PAPPA: variants seen among roughly 807,000 people sequenced by gnomAD.
The protein encoded by PAPPA is pappalysin-1.
In PAPPA, 60 loss-of-function variants were observed where a neutral mutation model predicts 164.0. The ratio of observed to expected loss-of-function variants is 0.37; its 90% CI spans 0.30 to 0.45. The LOEUF (loss-of-function observed/expected upper bound fraction) is 0.45, where lower values mean the gene tolerates loss of function less well. PAPPA is among the 20% of genes least tolerant of loss of function. The pLI, the probability that PAPPA is intolerant of heterozygous loss-of-function variation, is 1.00. For missense variants in PAPPA, 1,782 were observed against 2,087.3 expected (o/e 0.85, Z 2.85); for synonymous variants, 875 against 814.1 (o/e 1.07, Z -1.27).
In PAPPA at chr9:116,347,082, C is replaced by T. The variant is rs761085129; in HGVS notation, c.3837C>T (p.Ala1279=). The change falls in exon 15 of 22, where the codon GCC becomes GCT. Residue 1279 remains alanine (A), a synonymous_variant. Coordinates refer to ENST00000328252, the MANE Select transcript of PAPPA (RefSeq NM_002581.5). This position sits in a 1 kb window ranked among gnomAD's most constrained non-coding sequence, Gnocchi z 4.5. ...AGGGCAAGTGGAATAAGCAGGTGGC[C>T]TGTGAGCCAGTCGACTGCAGCATCC... is the stretch of plus-strand genomic sequence containing the variant. ...CTEGKWNKQV[A]CEPVDCSIPD... is the part of the protein sequence containing the mutation. 1.9e-6 allele frequency: 3 copies of T among 1,614,184 alleles called. No homozygotes were observed. Among genetic ancestry groups the T allele is most frequent in the African/African-American group, 2.7e-5 (2 of 75,062 alleles).
intron 1 of PAPPA, among the ~76,000 whole-genome samples, chr9:116,156,316 GTGTGTATATATATA>G (rs1323220215): frequency 2.2e-5 from 2 of 92,060 alleles, no homozygotes; most frequent in African/African-American, 3.3e-5. Flanking sequence ...GTATATATAT[GTGTGTATATATATA>G]TGTGTATATA....
chr9:116,334,426 T>C (rs1181430665), intron 12 of PAPPA, among the ~76,000 whole-genome samples: 2 of 152,100 alleles, frequency 1.3e-5, no homozygotes, highest in East Asian at 1.9e-4. Flanking sequence ...AGATTACTTA[T>C]GAGAGTGGGC....
chr9:116,365,558 T>TG, intron 18 of PAPPA, among the ~76,000 whole-genome samples: 2 of 129,322 alleles, frequency 1.5e-5, no homozygotes, highest in Non-Finnish European at 3.5e-5. Flanking sequence ...ACCGTTTTTT[T>TG]TTTTTTTTCC....
At chr9:116,283,835 A>G (rs1845297341) in intron 9 of PAPPA, among the ~76,000 whole-genome samples, 1 of 152,070 alleles carries the variant, frequency 6.6e-6, no homozygotes, top group Non-Finnish European at 1.5e-5. Flanking sequence ...TCCCTTTTCC[A>G]TTTGTCCCGT....
intron 1 of PAPPA, among the ~76,000 whole-genome samples, chr9:116,180,176 T>C (rs1221083972): frequency 1.3e-5 from 2 of 152,020 alleles, no homozygotes; most frequent in Non-Finnish European, 2.9e-5. Flanking sequence ...GACCATGTGG[T>C]CTAACACTCT....
Position 116,197,381 on chromosome 9 carries a change from T to C in PAPPA, c.1478+9165T>C, listed in dbSNP as rs572947030. 3.9e-5 allele frequency among the ~76,000 whole-genome samples: 6 copies of C among 152,220 alleles called. No homozygotes were observed. In the South Asian group the frequency reaches 1.2e-3, roughly 32 times the overall value. ...AACTACTTGAGTACAAAGTGTTCAG[T>C]GTGGTAATGAGGAGCAATTATGCTC... On this transcript the variant is annotated intron_variant, in intron 2 of 21. Transcript: ENST00000328252.
chr9:116,252,726 A>G (rs1356858054), intron 7 of PAPPA, among the ~76,000 whole-genome samples: 2 of 152,208 alleles, frequency 1.3e-5, no homozygotes, highest in Non-Finnish European at 2.9e-5. Context: ...TTCAAGCCCC[A>G]ACATCTCACC....
At chr9:116,217,644 C>T (rs931872432) in intron 4 of PAPPA, among the ~76,000 whole-genome samples, 12 of 129,850 alleles carry the variant, frequency 9.2e-5, no homozygotes, top group Non-Finnish European at 1.7e-4. Context: ...CATGAGCACA[C>T]GCAAGCATAC....
At chr9:116,161,718 A>G (rs553508679) in intron 1 of PAPPA, among the ~76,000 whole-genome samples, 2 of 152,160 alleles carry the variant, frequency 1.3e-5, no homozygotes, top group African/African-American at 4.8e-5. Context: ...AGAAAAAAAA[A>G]AAAAAAGGTT....
In PAPPA at chr9:116,154,085, G is replaced by A. The variant is rs1390604891; in HGVS notation, c.-88G>A. 2.6e-6 allele frequency: 3 copies of A among 1,140,022 alleles called. No individual in the cohort carries two copies. The African/African-American group carries it at 5.2e-5, about 20-fold the overall frequency. The allele number at this position is 1,140,022 out of a possible 1,614,324, so 70.6% of individuals were successfully genotyped here. A position where few individuals can be genotyped will look rare whatever the true frequency, so the allele number is the denominator to read the frequency against. On this transcript the variant is annotated 5_prime_UTR_variant, in exon 1 of 22. Transcript: ENST00000328252. This position sits in a 1 kb window ranked among gnomAD's most constrained non-coding sequence, Gnocchi z 5.2. Reference sequence around the variant, plus strand: ...GCTCGCCCAAGAAGGGTGAAGAAGCGAAGAAAGTCGAGGCGCCGAGGCTCC... The same window carrying A: ...GCTCGCCCAAGAAGGGTGAAGAAGCAAAGAAAGTCGAGGCGCCGAGGCTCC...
intron 7 of PAPPA, among the ~76,000 whole-genome samples, chr9:116,243,486 A>G (rs1844759753): frequency 6.6e-6 from 1 of 152,170 alleles, no homozygotes; most frequent in African/African-American, 2.4e-5. Context: ...TCAGACTATA[A>G]GAGATAAGGT....
chr9:116,191,314 C>T (rs1294983125), intron 2 of PAPPA, among the ~76,000 whole-genome samples: 1 of 152,206 alleles, frequency 6.6e-6, no homozygotes, highest in Non-Finnish European at 1.5e-5. Flanking sequence ...GCATGCAAGT[C>T]AGTACTGATA....
intron 4 of PAPPA, among the ~76,000 whole-genome samples, chr9:116,217,971 A>C (rs1844396354): frequency 6.6e-6 from 1 of 152,172 alleles, no homozygotes. Context: ...TGAAGTACAA[A>C]GTTCATGGCA....
intron 6 of PAPPA, among the ~76,000 whole-genome samples, chr9:116,231,239 A>G (rs1475598562): frequency 6.6e-6 from 1 of 152,176 alleles, no homozygotes; most frequent in Non-Finnish European, 1.5e-5. Context: ...CTGTATATAC[A>G]AAAGGATATC....
chr9:116,252,789 G>A (rs1027605954), intron 7 of PAPPA, among the ~76,000 whole-genome samples: 5 of 152,222 alleles, frequency 3.3e-5, no homozygotes, highest in Admixed American at 6.5e-5. Context: ...TTAGCGAAAC[G>A]TTTCCACTTC....
chr9:116,275,447 G>A (rs1276914037), intron 9 of PAPPA, among the ~76,000 whole-genome samples: 1 of 152,094 alleles, frequency 6.6e-6, no homozygotes, highest in Non-Finnish European at 1.5e-5. Flanking sequence ...CCGTATGTGA[G>A]ATCTGAGGTC....
intron 1 of PAPPA, among the ~76,000 whole-genome samples, chr9:116,170,000 A>G (rs1425133053): frequency 6.6e-6 from 1 of 152,168 alleles, no homozygotes; most frequent in African/African-American, 2.4e-5. Context: ...CTCCTATTTT[A>G]GATCAACGAG....
chr9:116,355,387 C>T (rs1249897505), intron 17 of PAPPA, among the ~76,000 whole-genome samples: 2 of 152,242 alleles, frequency 1.3e-5, no homozygotes, highest in Non-Finnish European at 2.9e-5. Flanking sequence ...GGCTGAGTCA[C>T]AGTCAGAATC....
intron 8 of PAPPA, among the ~76,000 whole-genome samples, chr9:116,269,079 G>A (rs1313552926): frequency 6.6e-6 from 1 of 152,136 alleles, no homozygotes; most frequent in African/African-American, 2.4e-5. Flanking sequence ...GGCAATGGAT[G>A]AACGTTTTGA....
Sources: gnomAD v4.1 joint callset for allele counts (sites outside exome capture counted in the v4.1 genomes callset) on GRCh38, gnomAD v4.1.1 for gene constraint, Gnocchi (gnomAD v3.1) non-coding constraint, MANE v1.5 for transcripts, NCBI Gene and HGNC (gene_info 2026-07-23, HGNC 2026-07-21) for gene names.